The following IL1RAPL1 variants were observed in gnomAD, a reference collection of about 807,000 sequenced individuals.
IL1RAPL1 encodes the protein interleukin-1 receptor accessory protein-like 1.
IL1RAPL1 carries 3 observed loss-of-function variants against 48.4 expected under a neutral mutation model. The ratio of observed to expected loss-of-function variants is 0.06; its 90% CI spans 0.03 to 0.16. The LOEUF (loss-of-function observed/expected upper bound fraction) is 0.16, where lower values mean the gene tolerates loss of function less well. Ranked by LOEUF, IL1RAPL1 falls within the 10% of genes least tolerant of loss-of-function variation. IL1RAPL1 has a pLI of 1.00. For missense variants in IL1RAPL1, 349 were observed against 530.6 expected, an observed-to-expected ratio of 0.66 and a Z score of 3.36; for synonymous variants, 185 against 187.7, an observed-to-expected ratio of 0.99 and a Z score of 0.12.
intron 6 of IL1RAPL1, among the ~76,000 whole-genome samples, chrX:29,837,219 C>T (rs192913290): frequency 0.017 from 1,604 of 94,974 alleles, 47 homozygotes; most frequent in African/African-American, 0.06. Context: ...GCCGAGTTCG[C>T]GCCACTGCAC....
intron 2 of IL1RAPL1, among the ~76,000 whole-genome samples, chrX:29,121,239 G>A (rs1193938790): frequency 8.9e-6 from 1 of 111,837 alleles, no homozygotes; most frequent in Admixed American, 9.5e-5. Context: ...CTTAGCTAAT[G>A]CAATAAAACA....
chrX:29,711,471 CCG>C (rs1384322320), intron 6 of IL1RAPL1, among the ~76,000 whole-genome samples: 1 of 111,042 alleles, frequency 9.0e-6, no homozygotes, highest in East Asian at 2.8e-4. Flanking sequence ...GTGTGAGCCA[CCG>C]CGCCTAGCCA....
chrX:29,461,581 T>A (rs1468819647), intron 5 of IL1RAPL1, among the ~76,000 whole-genome samples: 1 of 111,360 alleles, frequency 9.0e-6, no homozygotes, highest in African/African-American at 3.3e-5. Context: ...ACTAGCAGTA[T>A]TCAGAGTAGC....
chrX:28,825,134 G>A (rs953157929), intron 2 of IL1RAPL1, among the ~76,000 whole-genome samples: 2 of 111,892 alleles, frequency 1.8e-5, no homozygotes, highest in Non-Finnish European at 3.8e-5. Context: ...TTATGTGACA[G>A]AACCTAGCTC....
chrX:29,293,816 T>C (rs1215329468), intron 3 of IL1RAPL1, among the ~76,000 whole-genome samples: 2 of 111,625 alleles, frequency 1.8e-5, no homozygotes, highest in Admixed American at 1.9e-4. Context: ...TTGTTCTTTA[T>C]TTGTAAAAAA....
intron 5 of IL1RAPL1, among the ~76,000 whole-genome samples, chrX:29,652,164 A>G (rs988017227): frequency 8.9e-6 from 1 of 112,044 alleles, no homozygotes; most frequent in East Asian, 2.8e-4. Flanking sequence ...AAATCAAAAA[A>G]TTTTTTTGGA....
chrX:29,076,778 A>ATCTG lies in IL1RAPL1; in HGVS notation c.83-206136_83-206133dup, dbSNP rs1175863903. 1.3e-4 allele frequency among the ~76,000 whole-genome samples: 12 copies of ATCTG among 95,426 alleles called. No individual in the cohort carries two copies. In the South Asian group the frequency reaches 5.5e-3, roughly 44 times the overall value. The allele number at this position is 95,426 out of a possible 115,157, so 82.9% of individuals were successfully genotyped here. On this transcript the variant is annotated intron_variant, in intron 2 of 10. Transcript: ENST00000378993. Reference sequence around the variant, plus strand: ...CTCATGAAATAAGACAGATCTATCTATCTGTCTGTCTGTCTGTCTGTCTGT... The same window carrying ATCTG: ...CTCATGAAATAAGACAGATCTATCTATCTGTCTGTCTGTCTGTCTGTCTGTCTGT...
intron 2 of IL1RAPL1, among the ~76,000 whole-genome samples, chrX:28,838,313 G>A (rs1205834786): frequency 9.0e-6 from 1 of 111,173 alleles, no homozygotes; most frequent in East Asian, 2.8e-4. Flanking sequence ...ATTAGGTCTT[G>A]TAATTCCCTG....
intron 2 of IL1RAPL1, among the ~76,000 whole-genome samples, chrX:29,128,806 T>C (rs961800918): frequency 9.0e-6 from 1 of 111,190 alleles, no homozygotes; most frequent in Admixed American, 9.7e-5. Context: ...TGTCATGCAT[T>C]TTAATAAACA....
intron 3 of IL1RAPL1, among the ~76,000 whole-genome samples, chrX:29,329,534 T>C (rs1165138052): frequency 2.7e-5 from 3 of 111,472 alleles, no homozygotes; most frequent in Non-Finnish European, 5.6e-5. Flanking sequence ...AACTACTGGC[T>C]TGGCGCAGTG....
intron 6 of IL1RAPL1, among the ~76,000 whole-genome samples, chrX:29,766,343 AT>A (rs1305636412): frequency 0.04 from 1,928 of 47,699 alleles, 169 homozygotes; most frequent in African/African-American, 0.17. Context: ...AAAAAAAAAA[AT>A]ATATATATAT....
chrX:29,798,579 A>G (rs1194551643), intron 6 of IL1RAPL1, among the ~76,000 whole-genome samples: 1 of 112,214 alleles, frequency 8.9e-6, no homozygotes, highest in Non-Finnish European at 1.9e-5. Flanking sequence ...GTTTCATTTC[A>G]GGAGAGCTTA....
At chrX:29,294,107 G>A (rs146475445) in intron 3 of IL1RAPL1, among the ~76,000 whole-genome samples, 85 of 111,000 alleles carry the variant, frequency 7.7e-4, no homozygotes, top group African/African-American at 2.7e-3. Context: ...TGATTAAAGA[G>A]CGTATGAAGG....
At chrX:28,677,328 A>C (rs1830230078) in intron 1 of IL1RAPL1, among the ~76,000 whole-genome samples, 1 of 111,970 alleles carries the variant, frequency 8.9e-6, no homozygotes, top group Non-Finnish European at 1.9e-5. Flanking sequence ...CAGTTTTGAA[A>C]CTGGCTTCAA....
chrX:29,544,576 T>A (rs1484345918), intron 5 of IL1RAPL1, among the ~76,000 whole-genome samples: 1 of 111,978 alleles, frequency 8.9e-6, no homozygotes, highest in African/African-American at 3.3e-5. Flanking sequence ...CTGGACCTTT[T>A]TTCCAATCTA....
At chrX:28,912,590 A>G (rs1301452788) in intron 2 of IL1RAPL1, among the ~76,000 whole-genome samples, 1 of 110,995 alleles carries the variant, frequency 9.0e-6, no homozygotes, top group Non-Finnish European at 1.9e-5. Flanking sequence ...CTCCGTGTGT[A>G]TATTTGTTGT....
At chrX:28,952,956 A>G (rs1042836823) in intron 2 of IL1RAPL1, among the ~76,000 whole-genome samples, 2 of 111,836 alleles carry the variant, frequency 1.8e-5, no homozygotes, top group Non-Finnish European at 1.9e-5. Flanking sequence ...AGTTTTACAC[A>G]TTAATGAAAG....
chrX:29,520,992 T>C (rs1161424040), intron 5 of IL1RAPL1, among the ~76,000 whole-genome samples: 2 of 111,381 alleles, frequency 1.8e-5, no homozygotes, highest in Non-Finnish European at 3.8e-5. Context: ...TCATGGTTTG[T>C]AATGTAATCC....
intron 1 of IL1RAPL1, among the ~76,000 whole-genome samples, chrX:28,663,846 A>G (rs754920763): frequency 1.8e-5 from 2 of 112,437 alleles, no homozygotes; most frequent in African/African-American, 3.2e-5. Context: ...AAGAAGCATT[A>G]TCAACTTGTT....
Sources: allele counts gnomAD v4.1 joint callset (sites outside exome capture counted in the v4.1 genomes callset), GRCh38; gene constraint gnomAD v4.1.1; transcripts MANE v1.5; gene names NCBI Gene and HGNC (gene_info 2026-07-23, HGNC 2026-07-21).